The following GUCY1A2 variants were observed in gnomAD, a reference collection of about 807,000 sequenced individuals.
The protein encoded by GUCY1A2 is guanylate cyclase soluble subunit alpha-2.
GUCY1A2 carries 27 observed loss-of-function variants against 63.5 expected under a neutral mutation model. The ratio of observed to expected loss-of-function variants is 0.43; its 90% CI spans 0.31 to 0.59. GUCY1A2 has a LOEUF of 0.59. GUCY1A2 is among the 20% of genes least tolerant of loss of function. GUCY1A2 has a pLI of 0.11. For synonymous variants in GUCY1A2, 364 were observed against 343.5 expected (o/e 1.06, Z -0.66); for missense variants, 768 against 913.3 (o/e 0.84, Z 2.05).
chr11:106,777,260 A>C (rs1019537225), intron 5 of GUCY1A2, among the ~76,000 whole-genome samples: 1 of 152,078 alleles, frequency 6.6e-6, no homozygotes, highest in Admixed American at 6.6e-5. Context: ...ACCATCCTCC[A>C]ACATGGTAAA....
chr11:106,896,729 C>T (rs1944198), intron 4 of GUCY1A2, among the ~76,000 whole-genome samples: 135,072 of 152,208 alleles, frequency 0.89, 60,030 homozygotes, highest in East Asian at 1. Flanking sequence ...AAGCACCATA[C>T]TGAAAGCAGA....
chr11:106,733,019 G>T (rs1463638773), intron 6 of GUCY1A2, among the ~76,000 whole-genome samples: 1 of 152,122 alleles, frequency 6.6e-6, no homozygotes, highest in Non-Finnish European at 1.5e-5. Context: ...ACAGACAACT[G>T]TAATCTAAGA....
chr11:106,680,226 G>T lies in GUCY1A2; in HGVS notation c.*7323C>A, dbSNP rs1440603596. ...CAAAGAAGTGTCTTCAGAAAGTGAG[G>T]TATGAAGAAACAATTTTGCACATTC... On this transcript the variant is annotated 3_prime_UTR_variant, in exon 8 of 8. Coordinates refer to ENST00000526355, the MANE Select transcript of GUCY1A2 (RefSeq NM_000855.3). The T allele has an allele frequency of 4.7e-6, 1 of 212,042 alleles. No homozygotes were observed. Among genetic ancestry groups the T allele is most frequent in the African/African-American group, 2.3e-5 (1 of 44,138 alleles). The allele number at this position is 212,042 out of a possible 1,614,324, so 13.1% of individuals were successfully genotyped here.
At chr11:106,721,104 G>T (rs1470886466) in intron 6 of GUCY1A2, among the ~76,000 whole-genome samples, 3 of 146,720 alleles carry the variant, frequency 2.0e-5, no homozygotes, top group Non-Finnish European at 4.4e-5. Flanking sequence ...TGTCACCCAG[G>T]CTGGAGTGCA....
chr11:106,983,800 C>T (rs1861367012), intron 2 of GUCY1A2, among the ~76,000 whole-genome samples: 1 of 152,168 alleles, frequency 6.6e-6, no homozygotes, highest in African/African-American at 2.4e-5. Context: ...CAAAAAATAA[C>T]TAAAATTATG....
At chr11:106,962,958 T>C (rs1861079115) in intron 3 of GUCY1A2, among the ~76,000 whole-genome samples, 1 of 152,074 alleles carries the variant, frequency 6.6e-6, no homozygotes. Context: ...CATGTACAGC[T>C]ATATTATCTT....
intron 6 of GUCY1A2, among the ~76,000 whole-genome samples, chr11:106,755,305 T>A (rs1345946170): frequency 1.3e-5 from 2 of 152,302 alleles, no homozygotes; most frequent in Non-Finnish European, 2.9e-5. Context: ...AGCTTCTGGA[T>A]TCATAATTTT....
At chr11:106,938,774 T>C (rs1376117900) in intron 4 of GUCY1A2, among the ~76,000 whole-genome samples, 1 of 152,216 alleles carries the variant, frequency 6.6e-6, no homozygotes, top group Non-Finnish European at 1.5e-5. Context: ...TTAAGATTTA[T>C]TTCTGGTGTC....
intron 6 of GUCY1A2, among the ~76,000 whole-genome samples, chr11:106,735,017 T>C (rs1361441438): frequency 6.6e-6 from 1 of 152,106 alleles, no homozygotes; most frequent in Non-Finnish European, 1.5e-5. Flanking sequence ...TATGGCTATA[T>C]AGAAGGTATA....
At chr11:106,906,396 T>C (rs1860206275) in intron 4 of GUCY1A2, among the ~76,000 whole-genome samples, 1 of 152,104 alleles carries the variant, frequency 6.6e-6, no homozygotes, top group African/African-American at 2.4e-5. Flanking sequence ...TGAGATACCA[T>C]CTCACACCAG....
chr11:106,805,736 A>G (rs1056297035), intron 5 of GUCY1A2, among the ~76,000 whole-genome samples: 9 of 152,200 alleles, frequency 5.9e-5, no homozygotes, highest in African/African-American at 1.9e-4. Flanking sequence ...GTTTCTAACA[A>G]AGAGAAAAGA....
At chr11:106,848,051 G>T (rs905535632) in intron 4 of GUCY1A2, among the ~76,000 whole-genome samples, 2 of 151,482 alleles carry the variant, frequency 1.3e-5, no homozygotes, top group Admixed American at 1.3e-4. Flanking sequence ...AGATCTGTGG[G>T]CCCAATGAAG....
chr11:107,014,037 T>C (rs1326883739), intron 1 of GUCY1A2, among the ~76,000 whole-genome samples: 1 of 151,508 alleles, frequency 6.6e-6, no homozygotes, highest in Non-Finnish European at 1.5e-5. Context: ...GTAAACTACT[T>C]TCCTCAAAAG....
At position 106,738,831 on chromosome 11, in the gene GUCY1A2, C is replaced by T. The variant is rs180726886; in HGVS notation, c.1837-30165G>A. On this transcript the variant is annotated intron_variant, in intron 6 of 7. Transcript: ENST00000526355. ...TGTTTGAAGTCAGGTAGTGTGATGC[C>T]TCCAGCTTAGTTCTTTTTGCTTGGG... 2.4e-3 allele frequency among the ~76,000 whole-genome samples: 358 copies of T among 152,236 alleles called. 1 individual carries two copies. The highest frequency in any genetic ancestry group is 4.2e-3 in the Non-Finnish European group (289 of 68,030).
chr11:106,928,255 C>A (rs1944207), intron 4 of GUCY1A2, among the ~76,000 whole-genome samples: 134,888 of 152,206 alleles, frequency 0.89, 59,859 homozygotes, highest in East Asian at 1. Flanking sequence ...AGAGTCACTG[C>A]TTCACTCAAA....
At chr11:107,015,581 A>C (rs1478759635) in intron 1 of GUCY1A2, among the ~76,000 whole-genome samples, 1 of 148,118 alleles carries the variant, frequency 6.8e-6, no homozygotes, top group Non-Finnish European at 1.5e-5. Context: ...AAAAAAAAAA[A>C]AAAAAAAAAA....
intron 5 of GUCY1A2, among the ~76,000 whole-genome samples, chr11:106,781,708 C>T (rs1277892828): frequency 6.6e-5 from 10 of 151,196 alleles, no homozygotes; most frequent in Non-Finnish European, 1.3e-4. Context: ...GGACTACAGG[C>T]GCATGTCACC....
intron 7 of GUCY1A2, among the ~76,000 whole-genome samples, chr11:106,692,223 A>G (rs1299695951): frequency 6.6e-6 from 1 of 152,110 alleles, no homozygotes; most frequent in Non-Finnish European, 1.5e-5. Context: ...AATCCTCTAA[A>G]TTAATCCCCA....
chr11:106,833,350 C>G (rs1395104466), intron 4 of GUCY1A2, among the ~76,000 whole-genome samples: 2 of 152,060 alleles, frequency 1.3e-5, no homozygotes, highest in Non-Finnish European at 2.9e-5. Context: ...AACACTCACT[C>G]TCCTAAATAA....
Sources: allele counts gnomAD v4.1 joint callset (sites outside exome capture counted in the v4.1 genomes callset), GRCh38; gene constraint gnomAD v4.1.1; transcripts MANE v1.5; gene names NCBI Gene and HGNC (gene_info 2026-07-23, HGNC 2026-07-21).